ATP8B3: variants seen among roughly 807,000 people sequenced by gnomAD.
The protein encoded by ATP8B3 is ATPase phospholipid transporting 8B3, also known as phospholipid-transporting ATPase IK.
Under a neutral mutation model 140.9 loss-of-function variants are expected in ATP8B3, and 141 were observed. The ratio of observed to expected loss-of-function variants is 1.00; its 90% CI spans 0.87 to 1.15. ATP8B3 has a LOEUF of 1.15. Ranked by LOEUF, ATP8B3 falls within the 50% of genes most tolerant of loss-of-function variation. The probability of loss-of-function intolerance (pLI) is 0.00; values close to 1 mark genes in which losing one functional copy is unlikely to be tolerated. For synonymous variants in ATP8B3, 765 were observed against 714.6 expected (o/e 1.07, Z -1.13); for missense variants, 1,874 against 1,740.6 (o/e 1.08, Z -1.36).
At chr19:1,789,757 C>A in intron 22 of ATP8B3, 30 bp from the exon 23 acceptor site, 3 of 1,540,404 alleles carry the variant, frequency 1.9e-6, no homozygotes, top group Non-Finnish European at 2.6e-6. Flanking sequence ...CTGTGCCAGG[C>A]GCCGTGGCCT....
chr19:1,805,796 G>C lies in ATP8B3; in HGVS notation c.821+92C>G. 1 of 1,501,968 alleles carries C rather than the reference G, an allele frequency of 6.7e-7. No homozygotes were observed. The highest frequency in any genetic ancestry group is 1.2e-5 in the South Asian group (1 of 86,552). The allele number at this position is 1,501,968 out of a possible 1,614,324, so 93.0% of individuals were successfully genotyped here. The stretch of plus-strand genomic sequence containing the variant: ...GTGACCAAAGTCTCTGAGCGACCTT[G>C]GCTGGCCGCCTCCTTGGTGACTGGG... On this transcript the variant is annotated intron_variant, in intron 9 of 28. Transcript: ENST00000310127. The surrounding 1 kb of genome is among the most constrained non-coding windows in gnomAD (Gnocchi z 5.2).
At position 1,805,476 on chromosome 19, in the gene ATP8B3, G is replaced by A. The variant is rs2068981687; in HGVS notation, c.822-20C>T. 2 of 1,543,770 alleles carry A rather than the reference G, an allele frequency of 1.3e-6. No individual in the cohort carries two copies. Among genetic ancestry groups the A allele is most frequent in the East Asian group, 2.4e-5 (1 of 41,410 alleles). On this transcript the variant is annotated intron_variant, in intron 9 of 28. Coordinates refer to ENST00000310127, the MANE Select transcript of ATP8B3 (RefSeq NM_138813.4). The surrounding 1 kb of genome is among the most constrained non-coding windows in gnomAD (Gnocchi z 5.2). ...GTCTCCCTGGTGACGAGGAGAGGAG[G>A]GAGGTGAAAGTGGAGTTGATGGATG... is the stretch of plus-strand genomic sequence containing the variant.
In ATP8B3 at chr19:1,806,708, G is replaced by C; in HGVS notation, c.616-19C>G. 6.4e-7 allele frequency: 1 copy of C among 1,556,210 alleles called. No homozygotes were observed. Among genetic ancestry groups the C allele is most frequent in the Non-Finnish European group, 8.7e-7 (1 of 1,150,354 alleles). ...GTCTCCCCTGGGCCAGGAGGGAAAG[G>C]ATCAGAGAGACCGTCCAGCCTCTCC... On this transcript the variant is annotated intron_variant, in intron 6 of 28. Transcript: ENST00000310127. This position sits in a 1 kb window ranked among gnomAD's most constrained non-coding sequence, Gnocchi z 5.6.
At chr19:1,786,617 A>G (rs2068312634) in intron 25 of ATP8B3, among the ~76,000 whole-genome samples, 1 of 151,806 alleles carries the variant, frequency 6.6e-6, no homozygotes, top group Admixed American at 6.6e-5. Context: ...TGTAAAATCC[A>G]GTCCCTGGGT....
chr19:1,790,027 C>T (rs777021396), intron 21 of ATP8B3, 38 bp from the exon 22 acceptor site: 9 of 1,432,034 alleles, frequency 6.3e-6, no homozygotes, highest in Admixed American at 3.4e-5. Context: ...GGGGAGGGGG[C>T]GGGCTTCTCC....
chr19:1,805,888 C>A lies in ATP8B3; in HGVS notation c.821G>T (p.Gly274Val), dbSNP rs373171826. 2.9e-5 allele frequency: 46 copies of A among 1,612,784 alleles called. No homozygotes were observed. Among genetic ancestry groups the A allele is most frequent in the Non-Finnish European group, 3.6e-5 (43 of 1,179,868 alleles). The part of the protein sequence containing the change: ...LCYVETVDID[G>V]ETNLKFRQAL... ...CCCCAGCGATGCCACAGCTCCTCAC[C>A]CGTCAATGTCCACCGTCTCCACATA... Residue 274 changes from glycine (G) to valine (V), a missense_variant and splice_region_variant, in exon 9 of 29, where the codon GGG becomes GTG. This residue lies in a region of ATP8B3 where 1,032 missense variants were observed against 963.6 expected (regional missense o/e 1.07). Transcript: ENST00000310127. The surrounding 1 kb of genome is among the most constrained non-coding windows in gnomAD (Gnocchi z 5.2).
intron 14 of ATP8B3, 166 bp downstream of exon 14, chr19:1,799,781 T>G (rs1318581300): frequency 7.1e-6 from 5 of 701,070 alleles, no homozygotes; most frequent in East Asian, 5.5e-5. Flanking sequence ...AAAAAAAAAT[T>G]TTCCTGGCCC....
chr19:1,810,828 G>A (rs2069168266), intron 2 of ATP8B3, 145 bp from the exon 3 acceptor site: 1 of 736,818 alleles, frequency 1.4e-6, no homozygotes, highest in African/African-American at 1.8e-5. Context: ...GCCAGGCTCT[G>A]AATGTCCAGC....
Position 1,782,999 on chromosome 19 carries a change from T to C in ATP8B3, c.*29A>G. 6.3e-7 allele frequency: 1 copy of C among 1,578,524 alleles called. No homozygotes were observed. The highest frequency in any genetic ancestry group is 1.2e-5 in the South Asian group (1 of 86,384). On this transcript the variant is annotated 3_prime_UTR_variant, in exon 29 of 29. Coordinates refer to ENST00000310127, the MANE Select transcript of ATP8B3 (RefSeq NM_138813.4). ...CTGCCCCTGTGGCTGGTGCTTCTTC[T>C]TCCCCAGGAAGGACATCTTCCTGAG...
intron 23 of ATP8B3, 102 bp from the exon 24 acceptor site, chr19:1,789,222 G>A: frequency 2.2e-6 from 2 of 890,378 alleles, no homozygotes; most frequent in East Asian, 3.0e-5. Context: ...CCCCCCATCT[G>A]CTTCAGGTCC....
At chr19:1,792,926 AAAAG>A (rs202052733) in intron 18 of ATP8B3, among the ~76,000 whole-genome samples, 11,208 of 129,496 alleles carry the variant, frequency 0.087, 1,200 homozygotes, top group African/African-American at 0.25. Context: ...AAAAAAAAAA[AAAAG>A]AAAAGAAAAC....
At chr19:1,788,844 G>T in intron 24 of ATP8B3, 53 bp downstream of exon 24, 1 of 1,467,152 alleles carries the variant, frequency 6.8e-7, no homozygotes. Flanking sequence ...TATGGGAGGG[G>T]CAGGGCATCC....
At chr19:1,789,237 A>C (rs1600400959) in intron 23 of ATP8B3, 117 bp from the exon 24 acceptor site, 2 of 719,554 alleles carry the variant, frequency 2.8e-6, no homozygotes, top group East Asian at 3.7e-5. Context: ...AGGTCCCCCC[A>C]GTCCCACCGC....
Position 1,800,372 on chromosome 19 carries a change from G to C in ATP8B3, c.1230C>G (p.His410Gln). The change falls in exon 13 of 29, where the codon CAC becomes CAG. Residue 410 changes from histidine (H) to glutamine (Q), a missense_variant. His to Gln is a conservative substitution (Grantham distance 24). Transcript: ENST00000310127. This position sits in a 1 kb window ranked among gnomAD's most constrained non-coding sequence, Gnocchi z 4.4. ...CATGCACCCCCGAGAGGTAGTAGTGGTGGTCTTTGAATTCTTTGACTGAGA... is the reference window on the plus strand; with the variant it reads ...CATGCACCCCCGAGAGGTAGTAGTGCTGGTCTTTGAATTCTTTGACTGAGA... ...FGFSVKEFKDHHYYLSGVHGS... is the reference protein window; with the variant it reads ...FGFSVKEFKDQHYYLSGVHGS... 6.2e-7 allele frequency: 1 copy of C among 1,612,904 alleles called. No homozygotes were observed. The highest frequency in any genetic ancestry group is 1.1e-5 in the South Asian group (1 of 91,064).
At position 1,782,768 on chromosome 19, in the gene ATP8B3, T is replaced by A; in HGVS notation, c.*260A>T. ...CCTCTCCTTGGTCAACAGCAACTTC[T>A]CAGGAGAAGGTGGCCTCTGCTTGGG... On this transcript the variant is annotated 3_prime_UTR_variant, in exon 29 of 29. Coordinates refer to ENST00000310127, the MANE Select transcript of ATP8B3 (RefSeq NM_138813.4). 2.0e-6 allele frequency: 1 copy of A among 502,902 alleles called. No individual in the cohort carries two copies. 31.2% of individuals were successfully genotyped at this position (502,902 alleles called of 1,614,324 possible). A position where few individuals can be genotyped will look rare whatever the true frequency, so the allele number is the denominator to read the frequency against.
rs1289059098 is a variant in ATP8B3, at chr19:1,785,750, G to A, written c.3154-42C>T. On this transcript the variant is annotated intron_variant, in intron 25 of 28. Coordinates refer to ENST00000310127, the MANE Select transcript of ATP8B3 (RefSeq NM_138813.4). ...GCTCTTGGGATTGGGTGGGGGGCGG[G>A]GGACACCCAACAGAGATCAGGATCT... The A allele has an allele frequency of 1.3e-5, 14 of 1,047,296 alleles. No homozygotes were observed. In the South Asian group the frequency reaches 1.4e-4, roughly 10 times the overall value. The allele number at this position is 1,047,296 out of a possible 1,614,324, so 64.9% of individuals were successfully genotyped here. A position where few individuals can be genotyped will look rare whatever the true frequency, so the allele number is the denominator to read the frequency against.
At position 1,811,742 on chromosome 19, in the gene ATP8B3, G is replaced by A. The variant is rs928020463; in HGVS notation, c.-6C>T. The A allele has an allele frequency of 8.9e-6, 14 of 1,580,700 alleles. No individual in the cohort carries two copies. The highest frequency in any genetic ancestry group is 1.3e-5 in the African/African-American group (1 of 74,488). ...TGAGCGGGGCCAGTGCCCATTCACC[G>A]CATGAGGAAAAGGGAGGTTCAGGGC... On this transcript the variant is annotated 5_prime_UTR_variant, in exon 2 of 29. Coordinates refer to ENST00000310127, the MANE Select transcript of ATP8B3 (RefSeq NM_138813.4).
At chr19:1,785,360 C>T in intron 26 of ATP8B3, 63 bp from the exon 27 acceptor site, 1 of 1,552,378 alleles carries the variant, frequency 6.4e-7, no homozygotes, top group East Asian at 2.3e-5. Flanking sequence ...ACACCAGCCC[C>T]TGGGGTCCAG....
Position 1,799,955 on chromosome 19 carries a change from C to T in ATP8B3, c.1544G>A (p.Arg515His), listed in dbSNP as rs1011491677. 5.0e-6 allele frequency: 8 copies of T among 1,595,586 alleles called. No homozygotes were observed. The highest frequency in any genetic ancestry group is 1.3e-5 in the African/African-American group (1 of 74,612). The change falls in exon 14 of 29, where the codon CGC becomes CAC. Residue 515 changes from arginine (R) to histidine (H), a missense_variant. By Grantham distance (29) the Arg-to-His change is conservative. Around this residue, in one of 3 missense-constraint regions of ATP8B3, gnomAD observed 1,032 missense variants for 963.6 expected, o/e 1.07. Transcript: ENST00000310127. ...AGGTGTCGGGGCCGCACCATAGACGCGGCCGCTGATGCAGCACTTGTTGAA... is the reference window on the plus strand; with the variant it reads ...AGGTGTCGGGGCCGCACCATAGACGTGGCCGCTGATGCAGCACTTGTTGAA... ...LTFNKCCISG[R>H]VYGPDSEATT...
Sources: allele counts gnomAD v4.1 joint callset (sites outside exome capture counted in the v4.1 genomes callset), GRCh38; gene constraint gnomAD v4.1.1; regional missense constraint gnomAD v4.1.1; non-coding constraint Gnocchi (gnomAD v3.1); transcripts MANE v1.5; gene names NCBI Gene and HGNC (gene_info 2026-07-23, HGNC 2026-07-21).